PDK1: variants seen among roughly 807,000 people sequenced by gnomAD.
The protein encoded by PDK1 is pyruvate dehydrogenase kinase 1.
A neutral mutation model predicts 54.2 loss-of-function variants in PDK1; 39 were observed. The observed-to-expected ratio is 0.72, with a 90% confidence interval of 0.56 to 0.94. The LOEUF (loss-of-function observed/expected upper bound fraction) is 0.94. Among genes scored for constraint, PDK1 ranks in the 40% least tolerant of loss-of-function variants. PDK1 has a pLI of 0.00. For synonymous variants in PDK1, 221 were observed against 207.1 expected (o/e 1.07, Z -0.58); for missense variants, 552 against 566.0 (o/e 0.98, Z 0.25).
In PDK1 at chr2:172,556,253, A is replaced by C. The variant is rs1328543996; in HGVS notation, c.103A>C (p.Ser35Arg). Reference sequence around the variant, plus strand: ...CAGCTTCAGCTCGGACTCGGGCTCCAGCCCGGCGTCCGAGCGCGGCGTTCC... The same window carrying C: ...CAGCTTCAGCTCGGACTCGGGCTCCCGCCCGGCGTCCGAGCGCGGCGTTCC... ...SRSFSSDSGSSPASERGVPGQ... is the reference protein window; with the variant it reads ...SRSFSSDSGSRPASERGVPGQ... The change falls in exon 1 of 11, where the codon AGC becomes CGC. Residue 35 changes from serine (S) to arginine (R), a missense_variant. Ser to Arg is a moderately radical substitution (Grantham distance 110). Coordinates refer to ENST00000282077, the MANE Select transcript of PDK1 (RefSeq NM_002610.5). 2.0e-6 allele frequency: 3 copies of C among 1,475,318 alleles called. No homozygotes were observed. The East Asian group carries it at 8.8e-5, about 43-fold the overall frequency. 91.4% of individuals were successfully genotyped at this position (1,475,318 alleles called of 1,614,324 possible). A position where few individuals can be genotyped will look rare whatever the true frequency, so the allele number is the denominator to read the frequency against.
At chr2:172,568,857 T>G (rs775711101) in intron 7 of PDK1, 40 bp downstream of exon 7, 186 of 1,243,714 alleles carry the variant, frequency 1.5e-4, no homozygotes, top group Non-Finnish European at 2.0e-4. Flanking sequence ...CCAGTACTTT[T>G]CTGAGGTTAG....
chr2:172,590,848 A>G (rs1690532224), intron 9 of PDK1, among the ~76,000 whole-genome samples: 1 of 151,862 alleles, frequency 6.6e-6, no homozygotes, highest in East Asian at 1.9e-4. Context: ...GTGCATTTAC[A>G]ATCCTTTAGC....
chr2:172,667,752 A>G, the PDK1 span, among the ~76,000 whole-genome samples: 1 of 152,326 alleles, frequency 6.6e-6, no homozygotes, highest in African/African-American at 2.4e-5. Context: ...AATTTACATC[A>G]CCATCACATA....
chr2:172,679,250 A>G, the PDK1 span, among the ~76,000 whole-genome samples: 1 of 152,184 alleles, frequency 6.6e-6, no homozygotes, highest in African/African-American at 2.4e-5. Context: ...GTTCAAGACT[A>G]GCCTGGGCAA....
chr2:172,701,318 T>G, the PDK1 span, among the ~76,000 whole-genome samples: 6 of 143,960 alleles, frequency 4.2e-5, no homozygotes, highest in Admixed American at 4.0e-4. Context: ...ATGTTTTGAT[T>G]AAAAACAACA....
chr2:172,633,508 A>C, the PDK1 span, among the ~76,000 whole-genome samples: 1 of 149,836 alleles, frequency 6.7e-6, no homozygotes, highest in Non-Finnish European at 1.5e-5. Flanking sequence ...TGATTCTGAT[A>C]ATTTATAGTG....
At chr2:172,585,953 C>CA (rs895371621) in intron 8 of PDK1, among the ~76,000 whole-genome samples, 3 of 152,026 alleles carry the variant, frequency 2.0e-5, no homozygotes, top group Non-Finnish European at 1.5e-5. Flanking sequence ...ATCATGAGGT[C>CA]AGGAGAACGA....
At chr2:172,614,596 G>A in the PDK1 span, among the ~76,000 whole-genome samples, 1 of 152,202 alleles carries the variant, frequency 6.6e-6, no homozygotes, top group Non-Finnish European at 1.5e-5. Flanking sequence ...CTTGCCTGCA[G>A]AGAGGAGCCA....
the PDK1 span, among the ~76,000 whole-genome samples, chr2:172,635,694 C>G: frequency 6.6e-6 from 1 of 151,806 alleles, no homozygotes; most frequent in African/African-American, 2.4e-5. Context: ...GACTGCTGCC[C>G]CCCTCCACCC....
At chr2:172,579,577 T>C (rs1689778988) in intron 8 of PDK1, among the ~76,000 whole-genome samples, 1 of 151,088 alleles carries the variant, frequency 6.6e-6, no homozygotes, top group Non-Finnish European at 1.5e-5. Flanking sequence ...TTGCAGGTTC[T>C]TTCTCTTCTA....
rs1034207962 is a variant in PDK1 at position 172,602,966 on chromosome 2, A to G, written c.*6997A>G. On this transcript the variant is annotated 3_prime_UTR_variant, in exon 11 of 11. Coordinates refer to ENST00000282077, the MANE Select transcript of PDK1 (RefSeq NM_002610.5). ...TTACTCTTGGATCAGGGTTGGCTTGATAAGGACTCACTTAACCAATGGAAA... is the reference window on the plus strand; with the variant it reads ...TTACTCTTGGATCAGGGTTGGCTTGGTAAGGACTCACTTAACCAATGGAAA... The G allele has an allele frequency of 1.3e-5, 2 of 152,226 alleles. No homozygotes were observed. The highest frequency in any genetic ancestry group is 2.4e-5 in the African/African-American group (1 of 41,458). 9.4% of individuals were successfully genotyped at this position (152,226 alleles called of 1,614,324 possible). A position where few individuals can be genotyped will look rare whatever the true frequency, so the allele number is the denominator to read the frequency against.
the PDK1 span, among the ~76,000 whole-genome samples, chr2:172,614,411 G>C: frequency 1.3e-5 from 2 of 152,200 alleles, no homozygotes; most frequent in African/African-American, 2.4e-5. Context: ...TCTGAGGTCC[G>C]TAAAAGCCCT....
the PDK1 span, among the ~76,000 whole-genome samples, chr2:172,633,913 T>A: frequency 4.4e-5 from 6 of 135,558 alleles, no homozygotes; most frequent in African/African-American, 1.6e-4. Flanking sequence ...CCTTGCTCTC[T>A]TGTCCAGACT....
chr2:172,568,433 T>C (rs1054877222), intron 6 of PDK1, among the ~76,000 whole-genome samples: 1 of 151,972 alleles, frequency 6.6e-6, no homozygotes, highest in African/African-American at 2.4e-5. Context: ...AAAGTAAAAT[T>C]CCTACCCGAA....
intron 10 of PDK1, among the ~76,000 whole-genome samples, chr2:172,594,878 A>G (rs1164974433): frequency 1.3e-5 from 2 of 152,176 alleles, no homozygotes; most frequent in African/African-American, 2.4e-5. Flanking sequence ...GCTGAAATAC[A>G]ATGGAGAATT....
At chr2:172,587,717 G>A (rs993713124) in intron 9 of PDK1, among the ~76,000 whole-genome samples, 2 of 150,218 alleles carry the variant, frequency 1.3e-5, no homozygotes, top group African/African-American at 4.8e-5. Flanking sequence ...CTGCTGATTG[G>A]TCTATTTTAT....
the PDK1 span, among the ~76,000 whole-genome samples, chr2:172,616,244 C>T: frequency 1.2e-3 from 186 of 152,250 alleles, 2 homozygotes; most frequent in African/African-American, 4.3e-3. Context: ...TAAAACTCTA[C>T]CCCTAGACGT....
chr2:172,712,079 A>G, the PDK1 span, among the ~76,000 whole-genome samples: 11 of 152,204 alleles, frequency 7.2e-5, no homozygotes, highest in Admixed American at 1.3e-4. Flanking sequence ...TGTTAAGGTT[A>G]TAGGTTTAAA....
the PDK1 span, among the ~76,000 whole-genome samples, chr2:172,648,688 C>T: frequency 6.6e-6 from 1 of 152,312 alleles, no homozygotes; most frequent in African/African-American, 2.4e-5. Context: ...AGATTATATC[C>T]CGCGCCTGGC....
Sources: allele counts gnomAD v4.1 joint callset (sites outside exome capture counted in the v4.1 genomes callset), GRCh38; gene constraint gnomAD v4.1.1; transcripts MANE v1.5; gene names NCBI Gene and HGNC (gene_info 2026-07-23, HGNC 2026-07-21).